CTNNBIP1: variants seen among roughly 807,000 people sequenced by gnomAD.
CTNNBIP1 encodes the protein catenin beta interacting protein 1, also known as beta-catenin-interacting protein 1.
A neutral mutation model predicts 11.8 loss-of-function variants in CTNNBIP1; 7 were observed. The observed-to-expected ratio is 0.60, with a 90% CI of 0.34 to 1.12. The LOEUF is 1.12. Ranked by LOEUF, CTNNBIP1 falls within the 50% of genes most tolerant of loss-of-function variation. CTNNBIP1 has a pLI of 0.03. For missense variants in CTNNBIP1, 101 were observed against 113.4 expected (o/e 0.89, Z 0.50); for synonymous variants, 58 against 43.9 (o/e 1.32, Z -1.26).
chr1:9,907,350 T>G (rs1434444164), intron 1 of CTNNBIP1, among the ~76,000 whole-genome samples: 2 of 152,206 alleles, frequency 1.3e-5, no homozygotes, highest in Non-Finnish European at 2.9e-5. Flanking sequence ...TTTGTATTTT[T>G]AGTAGAGACG....
chr1:9,866,549 G>A (rs750720618), intron 5 of CTNNBIP1, among the ~76,000 whole-genome samples: 9 of 152,086 alleles, frequency 5.9e-5, no homozygotes, highest in South Asian at 4.2e-4. Flanking sequence ...GTGTGGTGGC[G>A]GGAGCCTGTA....
intron 1 of CTNNBIP1, among the ~76,000 whole-genome samples, chr1:9,891,188 A>G (rs1639293907): frequency 6.6e-6 from 1 of 152,174 alleles, no homozygotes; most frequent in African/African-American, 2.4e-5. Flanking sequence ...TCCACAAGGT[A>G]CATAAGGTCC....
chr1:9,859,949 G>A (rs1204063733), intron 5 of CTNNBIP1, among the ~76,000 whole-genome samples: 1 of 152,150 alleles, frequency 6.6e-6, no homozygotes, highest in Non-Finnish European at 1.5e-5. Context: ...GGTGGGGTCT[G>A]CTTTCACAGC....
chr1:9,878,302 G>A (rs767066523), intron 2 of CTNNBIP1: 1 of 152,240 alleles, frequency 6.6e-6, no homozygotes, highest in Non-Finnish European at 1.5e-5. Context: ...TAATTGAGAC[G>A]CTGTGTTCAG....
intron 1 of CTNNBIP1, among the ~76,000 whole-genome samples, chr1:9,905,583 C>T (rs529403753): frequency 1.3e-5 from 2 of 151,834 alleles, no homozygotes; most frequent in Admixed American, 6.6e-5. Context: ...CCCCCATGCC[C>T]GGCTAATTTT....
rs918259648 is a variant in CTNNBIP1, at chr1:9,910,224, C to A, written c.-273G>T. The A allele has an allele frequency of 2.7e-5, 4 of 147,366 alleles. No individual in the cohort carries two copies. The highest frequency in any genetic ancestry group is 6.0e-5 in the Non-Finnish European group (4 of 66,118). 9.1% of individuals were successfully genotyped at this position (147,366 alleles called of 1,614,324 possible). The stretch of plus-strand genomic sequence containing the variant: ...CGGCAGTAGCAGCAGCAGGAGCGGC[C>A]GCCTCAGCCTCCGCCTCCCGCTCCG... On this transcript the variant is annotated 5_prime_UTR_variant, in exon 1 of 6. Coordinates refer to ENST00000377263, the MANE Select transcript of CTNNBIP1 (RefSeq NM_020248.3).
intron 5 of CTNNBIP1, among the ~76,000 whole-genome samples, chr1:9,863,322 T>C (rs1160194268): frequency 6.6e-6 from 1 of 152,252 alleles, no homozygotes; most frequent in Non-Finnish European, 1.5e-5. Context: ...CTCATATAAG[T>C]GTTGATTAAA....
chr1:9,861,287 C>G (rs1029598715), intron 5 of CTNNBIP1, among the ~76,000 whole-genome samples: 2 of 152,240 alleles, frequency 1.3e-5, no homozygotes, highest in African/African-American at 4.8e-5. Context: ...AGACGCTCCT[C>G]CAAAGGGAAG....
At chr1:9,906,748 G>A (rs1639628103) in intron 1 of CTNNBIP1, among the ~76,000 whole-genome samples, 1 of 152,174 alleles carries the variant, frequency 6.6e-6, no homozygotes, top group African/African-American at 2.4e-5. Flanking sequence ...TTGCACCCTG[G>A]ATGAGGAGTC....
chr1:9,853,075 C>T lies in CTNNBIP1; in HGVS notation c.188-2299G>A, dbSNP rs1638425555. Among the ~76,000 whole-genome samples, 3 of 152,160 alleles carry T rather than the reference C, an allele frequency of 2.0e-5. No homozygotes were observed. The South Asian group carries it at 6.2e-4, about 32-fold the overall frequency. On this transcript the variant is annotated intron_variant, in intron 5 of 5. Transcript: ENST00000377263. ...AGCAAAGGATTTGCAAGAGTCCTAC[C>T]CTTCCCACACTGCCAGCTGCCACCC...
At chr1:9,886,356 A>G (rs1221459553) in intron 1 of CTNNBIP1, among the ~76,000 whole-genome samples, 1 of 151,778 alleles carries the variant, frequency 6.6e-6, no homozygotes, top group Admixed American at 6.5e-5. Flanking sequence ...CACCCACTAG[A>G]TGCCAGTAGC....
At chr1:9,888,999 C>T (rs139813492) in intron 1 of CTNNBIP1, among the ~76,000 whole-genome samples, 28 of 152,346 alleles carry the variant, frequency 1.8e-4, no homozygotes, top group Non-Finnish European at 3.1e-4. Flanking sequence ...ACTGACACGG[C>T]AACCAGGCTG....
At chr1:9,882,698 G>A (rs1317720319) in intron 2 of CTNNBIP1, among the ~76,000 whole-genome samples, 2 of 152,106 alleles carry the variant, frequency 1.3e-5, no homozygotes, top group Non-Finnish European at 2.9e-5. Flanking sequence ...GCTTGGTTGG[G>A]TAGAGAAGAG....
In CTNNBIP1 at chr1:9,871,821, A is replaced by G; in HGVS notation, c.96+148T>C. The G allele has an allele frequency of 7.5e-6, 5 of 666,802 alleles. No individual in the cohort carries two copies. In the Middle Eastern group the frequency reaches 1.5e-3, roughly 195 times the overall value. The allele number at this position is 666,802 out of a possible 1,614,324, so 41.3% of individuals were successfully genotyped here. A position where few individuals can be genotyped will look rare whatever the true frequency, so the allele number is the denominator to read the frequency against. ...CCTAGGGGGCCAGAAGCAGCCCTAGAGCCAAGCCACAGGCCCAGCGGCCCC... is the reference window on the plus strand; with the variant it reads ...CCTAGGGGGCCAGAAGCAGCCCTAGGGCCAAGCCACAGGCCCAGCGGCCCC... On this transcript the variant is annotated intron_variant, in intron 4 of 5. Coordinates refer to ENST00000377263, the MANE Select transcript of CTNNBIP1 (RefSeq NM_020248.3). The surrounding 1 kb of genome is among the most constrained non-coding windows in gnomAD (Gnocchi z 5.2).
chr1:9,883,061 G>A lies in CTNNBIP1; in HGVS notation c.-110+644C>T, dbSNP rs1639116281. Among the ~76,000 whole-genome samples, 1 of 152,192 alleles carries A rather than the reference G, an allele frequency of 6.6e-6. No individual in the cohort carries two copies. Among genetic ancestry groups the A allele is most frequent in the Non-Finnish European group, 1.5e-5 (1 of 68,020 alleles). ...CGCAGGGCAGGGGGCTCCTTCTGTG[G>A]GCACGCAGAGCCAGAGCAGTCAGGA... On this transcript the variant is annotated intron_variant, in intron 2 of 5. Transcript: ENST00000377263. The surrounding 1 kb of genome is among the most constrained non-coding windows in gnomAD (Gnocchi z 5.6).
intron 1 of CTNNBIP1, among the ~76,000 whole-genome samples, chr1:9,889,616 C>T (rs72858040): frequency 0.035 from 5,314 of 152,208 alleles, 297 homozygotes; most frequent in African/African-American, 0.12. Flanking sequence ...TCTGCACATC[C>T]GCCTGCATTT....
chr1:9,869,802 G>C (rs1268863182), intron 5 of CTNNBIP1, among the ~76,000 whole-genome samples: 1 of 152,226 alleles, frequency 6.6e-6, no homozygotes, highest in African/African-American at 2.4e-5. Context: ...AAGCCTGAAG[G>C]TTTCAGGTTG....
rs577470261 is a variant in CTNNBIP1, at chr1:9,888,121, G to A, written c.-143-4383C>T. ...TTACAGGCATGAGCCACCACACCCC[G>A]CTAATTAATTTTTAAAAAGAAAATA... is the stretch of plus-strand genomic sequence containing the variant. On this transcript the variant is annotated intron_variant, in intron 1 of 5. Coordinates refer to ENST00000377263, the MANE Select transcript of CTNNBIP1 (RefSeq NM_020248.3). Among the ~76,000 whole-genome samples the A allele has an allele frequency of 1.1e-3, 159 of 150,898 alleles. 2 individuals carry two copies. In the Middle Eastern group the frequency reaches 0.017, roughly 16 times the overall value.
intron 1 of CTNNBIP1, among the ~76,000 whole-genome samples, chr1:9,904,650 A>G (rs1372106): frequency 0.15 from 23,043 of 152,124 alleles, 1,838 homozygotes; most frequent in South Asian, 0.21. Flanking sequence ...TGTCCAGTCA[A>G]TCTTGGTATA....
Sources: allele counts gnomAD v4.1 joint callset (sites outside exome capture counted in the v4.1 genomes callset), GRCh38; gene constraint gnomAD v4.1.1; non-coding constraint Gnocchi (gnomAD v3.1); transcripts MANE v1.5; gene names NCBI Gene and HGNC (gene_info 2026-07-23, HGNC 2026-07-21).